The following KCNQ1OT1 variants were observed in gnomAD, a reference collection of about 807,000 sequenced individuals.
KCNQ1OT1 encodes the protein KCNQ1 opposite strand/antisense transcript 1.
rs1468652633 is a variant in KCNQ1OT1, at chr11:2,624,545, T to C, written n.75450A>G. 7.5e-6 allele frequency: 3 copies of C among 398,430 alleles called. No individual in the cohort carries two copies. The highest frequency in any genetic ancestry group is 7.1e-5 in the East Asian group (2 of 28,060). The allele number at this position is 398,430 out of a possible 1,614,324, so 24.7% of individuals were successfully genotyped here. A position where few individuals can be genotyped will look rare whatever the true frequency, so the allele number is the denominator to read the frequency against. On this transcript the variant is annotated non_coding_transcript_exon_variant, in exon 1 of 1. Coordinates refer to ENST00000597346, the Ensembl canonical transcript of KCNQ1OT1. This position sits in a 1 kb window ranked among gnomAD's most constrained non-coding sequence, Gnocchi z 4.9. ...TGTTATCTTCTGGGATTTCTATTTGTTGTTGATTTCCAAATCTTTTATTGT... is the reference window on the plus strand; with the variant it reads ...TGTTATCTTCTGGGATTTCTATTTGCTGTTGATTTCCAAATCTTTTATTGT...
In KCNQ1OT1 at chr11:2,695,082, A is replaced by G; in HGVS notation, n.4913T>C. The G allele has an allele frequency of 2.5e-6, 1 of 398,636 alleles. No individual in the cohort carries two copies. Among genetic ancestry groups the G allele is most frequent in the Non-Finnish European group, 4.4e-6 (1 of 226,088 alleles). 24.7% of individuals were successfully genotyped at this position (398,636 alleles called of 1,614,324 possible). A position where few individuals can be genotyped will look rare whatever the true frequency, so the allele number is the denominator to read the frequency against. On this transcript the variant is annotated non_coding_transcript_exon_variant, in exon 1 of 1. Coordinates refer to ENST00000597346, the Ensembl canonical transcript of KCNQ1OT1. The surrounding 1 kb of genome is among the most constrained non-coding windows in gnomAD (Gnocchi z 5.2). ...TGGAATTTGAATTTTATTTCCTAGA[A>G]ATAGAAGCCACTAGAGGGTATCTGG... is the stretch of plus-strand genomic sequence containing the variant.
rs1017685262 is a variant in KCNQ1OT1, at chr11:2,657,089, C to A, written n.42906G>T. 1 of 398,618 alleles carries A rather than the reference C, an allele frequency of 2.5e-6. No homozygotes were observed. The highest frequency in any genetic ancestry group is 2.1e-5 in the African/African-American group (1 of 48,742). The allele number at this position is 398,618 out of a possible 1,614,324, so 24.7% of individuals were successfully genotyped here. The stretch of plus-strand genomic sequence containing the variant: ...CTGTCCCATTGGCCTATTTGTCTCT[C>A]CCTGTGTCAATACCACATTGCCCTA... On this transcript the variant is annotated non_coding_transcript_exon_variant, in exon 1 of 1. Transcript: ENST00000597346. This position sits in a 1 kb window ranked among gnomAD's most constrained non-coding sequence, Gnocchi z 4.8.
At position 2,690,996 on chromosome 11, in the gene KCNQ1OT1, A is replaced by T; in HGVS notation, n.8999T>A. 1 of 398,656 alleles carries T rather than the reference A, an allele frequency of 2.5e-6. No homozygotes were observed. Among genetic ancestry groups the T allele is most frequent in the Non-Finnish European group, 4.4e-6 (1 of 226,084 alleles). 24.7% of individuals were successfully genotyped at this position (398,656 alleles called of 1,614,324 possible). A position where few individuals can be genotyped will look rare whatever the true frequency, so the allele number is the denominator to read the frequency against. On this transcript the variant is annotated non_coding_transcript_exon_variant, in exon 1 of 1. Coordinates refer to ENST00000597346, the Ensembl canonical transcript of KCNQ1OT1. This position sits in a 1 kb window ranked among gnomAD's most constrained non-coding sequence, Gnocchi z 5.1. ...CAAAAGCCCACCAGACCATCAATGA[A>T]GTGGGCAAAAGCTCTGGGTGAACTC...
chr11:2,698,858 G>C lies in KCNQ1OT1; in HGVS notation n.1137C>G. 1 of 398,624 alleles carries C rather than the reference G, an allele frequency of 2.5e-6. No homozygotes were observed. Among genetic ancestry groups the C allele is most frequent in the Non-Finnish European group, 4.4e-6 (1 of 226,172 alleles). The allele number at this position is 398,624 out of a possible 1,614,324, so 24.7% of individuals were successfully genotyped here. ...AAACCACCATGCGGACTCCAGACCC[G>C]GACTGACTGGGACCCCAACTACTCA... On this transcript the variant is annotated non_coding_transcript_exon_variant, in exon 1 of 1. Transcript: ENST00000597346. This position sits in a 1 kb window ranked among gnomAD's most constrained non-coding sequence, Gnocchi z 5.1.
At chr11:2,632,407 A>AT (rs886152794) in exon 1 of KCNQ1OT1, 5 of 398,342 alleles carry the variant, frequency 1.3e-5, no homozygotes, top group Non-Finnish European at 1.8e-5. Context: ...TATGTTTAAT[A>AT]TAATGGCTAA....
At chr11:2,629,054 G>A in exon 1 of KCNQ1OT1, 1 of 398,098 alleles carries the variant, frequency 2.5e-6, no homozygotes, top group Non-Finnish European at 4.4e-6. Context: ...TATTGCTCAA[G>A]TATGCTTTAG....
At chr11:2,692,471 T>C (rs11821797) in exon 1 of KCNQ1OT1, 4,696 of 398,722 alleles carry the variant, frequency 0.012, 195 homozygotes, top group African/African-American at 0.087. Flanking sequence ...TGCAGCTGCC[T>C]TTCTGGTAGT....
chr11:2,687,197 G>T lies in KCNQ1OT1; in HGVS notation n.12798C>A. 2.5e-6 allele frequency: 1 copy of T among 398,646 alleles called. No individual in the cohort carries two copies. Among genetic ancestry groups the T allele is most frequent in the South Asian group, 1.3e-4 (1 of 7,850 alleles). 24.7% of individuals were successfully genotyped at this position (398,646 alleles called of 1,614,324 possible). A position where few individuals can be genotyped will look rare whatever the true frequency, so the allele number is the denominator to read the frequency against. ...CTGCCAAAAGCCCAGGCTGGATAGGGAGCATCACACTGTTGGGAAATGTGC... is the reference window on the plus strand; with the variant it reads ...CTGCCAAAAGCCCAGGCTGGATAGGTAGCATCACACTGTTGGGAAATGTGC... On this transcript the variant is annotated non_coding_transcript_exon_variant, in exon 1 of 1. Coordinates refer to ENST00000597346, the Ensembl canonical transcript of KCNQ1OT1. This position sits in a 1 kb window ranked among gnomAD's most constrained non-coding sequence, Gnocchi z 5.0.
chr11:2,632,705 T>C (rs930807299), exon 1 of KCNQ1OT1: 4 of 398,278 alleles, frequency 1.0e-5, no homozygotes, highest in Non-Finnish European at 1.8e-5. Flanking sequence ...CCTAATTTCA[T>C]TTAACATATT....
At position 2,658,129 on chromosome 11, in the gene KCNQ1OT1, T is replaced by C. The variant is rs1164485874; in HGVS notation, n.41866A>G. The C allele has an allele frequency of 2.5e-6, 1 of 398,574 alleles. No individual in the cohort carries two copies. Among genetic ancestry groups the C allele is most frequent in the African/African-American group, 2.1e-5 (1 of 48,748 alleles). The allele number at this position is 398,574 out of a possible 1,614,324, so 24.7% of individuals were successfully genotyped here. ...GAGTATCAAAAAAAATCTGCAAATA[T>C]GTTAAAACTACCACAGCAATTAAAA... On this transcript the variant is annotated non_coding_transcript_exon_variant, in exon 1 of 1. Transcript: ENST00000597346. This position sits in a 1 kb window ranked among gnomAD's most constrained non-coding sequence, Gnocchi z 4.9.
rs1590025738 is a variant in KCNQ1OT1 at position 2,677,106 on chromosome 11, T to C, written n.22889A>G. The C allele has an allele frequency of 2.5e-6, 1 of 398,666 alleles. No individual in the cohort carries two copies. The highest frequency in any genetic ancestry group is 3.6e-5 in the East Asian group (1 of 28,078). The allele number at this position is 398,666 out of a possible 1,614,324, so 24.7% of individuals were successfully genotyped here. ...TATTCACTACTGAAATGACCACTTA[T>C]GAAATTAGTTTCCCTGAAACATCCC... is the stretch of plus-strand genomic sequence containing the variant. On this transcript the variant is annotated non_coding_transcript_exon_variant, in exon 1 of 1. Coordinates refer to ENST00000597346, the Ensembl canonical transcript of KCNQ1OT1. This position sits in a 1 kb window ranked among gnomAD's most constrained non-coding sequence, Gnocchi z 4.5.
chr11:2,661,821 A>T lies in KCNQ1OT1; in HGVS notation n.38174T>A. 9.2e-7 allele frequency: 1 copy of T among 1,082,712 alleles called. No individual in the cohort carries two copies. The highest frequency in any genetic ancestry group is 1.4e-6 in the Non-Finnish European group (1 of 719,992). The allele number at this position is 1,082,712 out of a possible 1,614,324, so 67.1% of individuals were successfully genotyped here. A position where few individuals can be genotyped will look rare whatever the true frequency, so the allele number is the denominator to read the frequency against. On this transcript the variant is annotated non_coding_transcript_exon_variant, in exon 1 of 1. Transcript: ENST00000597346. The surrounding 1 kb of genome is among the most constrained non-coding windows in gnomAD (Gnocchi z 5.9). ...CACCCACCCACCCCAACACCCAACT[A>T]TAAAACTGATTGTCAGGGCTGGAGC...
exon 1 of KCNQ1OT1, chr11:2,637,355 G>A (rs553750030): frequency 1.3e-5 from 2 of 152,306 alleles, no homozygotes; most frequent in African/African-American, 2.4e-5. Flanking sequence ...TGCTTTAAAT[G>A]TGTCCCAGAG....
rs1849282567 is a variant in KCNQ1OT1, at chr11:2,627,645, GA to G, written n.72349del. On this transcript the variant is annotated non_coding_transcript_exon_variant, in exon 1 of 1. Transcript: ENST00000597346. This position sits in a 1 kb window ranked among gnomAD's most constrained non-coding sequence, Gnocchi z 4.9. ...TTGCATGATTTCCTGCTTTTTAAAG[GA>G]TGAATATTTCATTGTGTGTGTGTAT... The G allele has an allele frequency of 2.5e-6, 1 of 398,312 alleles. No homozygotes were observed. Among genetic ancestry groups the G allele is most frequent in the East Asian group, 3.6e-5 (1 of 28,082 alleles). The allele number at this position is 398,312 out of a possible 1,614,324, so 24.7% of individuals were successfully genotyped here.
exon 1 of KCNQ1OT1, chr11:2,656,700 T>C (rs572101391): frequency 6.8e-5 from 27 of 398,654 alleles, no homozygotes; most frequent in African/African-American, 1.0e-4. Context: ...TTAAGGTGTA[T>C]TTTGATGATT....
At chr11:2,637,946 C>G (rs1455888594) in exon 1 of KCNQ1OT1, 1 of 151,974 alleles carries the variant, frequency 6.6e-6, no homozygotes, top group Non-Finnish European at 1.5e-5. Context: ...ATGACCTTGT[C>G]TCTTTTGATC....
chr11:2,662,697 G>A lies in KCNQ1OT1; in HGVS notation n.37298C>T, dbSNP rs916819411. ...GCTGGGGTGCCCAGCGGTGACAGCC[G>A]TGCAGCGGGGTCAGTGGGGCACCCA... On this transcript the variant is annotated non_coding_transcript_exon_variant, in exon 1 of 1. Coordinates refer to ENST00000597346, the Ensembl canonical transcript of KCNQ1OT1. 39 of 402,584 alleles carry A rather than the reference G, an allele frequency of 9.7e-5. 1 individual carries two copies. The highest frequency in any genetic ancestry group is 1.5e-4 in the Non-Finnish European group (34 of 228,384). The allele number at this position is 402,584 out of a possible 1,614,324, so 24.9% of individuals were successfully genotyped here.
At position 2,608,649 on chromosome 11, in the gene KCNQ1OT1, A is replaced by G; in HGVS notation, n.91346T>C. 1 of 398,510 alleles carries G rather than the reference A, an allele frequency of 2.5e-6. No homozygotes were observed. Among genetic ancestry groups the G allele is most frequent in the Non-Finnish European group, 4.4e-6 (1 of 226,062 alleles). 24.7% of individuals were successfully genotyped at this position (398,510 alleles called of 1,614,324 possible). On this transcript the variant is annotated non_coding_transcript_exon_variant, in exon 1 of 1. Coordinates refer to ENST00000597346, the Ensembl canonical transcript of KCNQ1OT1. This position sits in a 1 kb window ranked among gnomAD's most constrained non-coding sequence, Gnocchi z 4.6. ...CTGTTATTCAAAAAATATTTTGTAG[A>G]GATAGGGTCTTGCTTTGTTGTGCAT... is the stretch of plus-strand genomic sequence containing the variant.
At chr11:2,665,787 G>T in exon 1 of KCNQ1OT1, 1 of 398,558 alleles carries the variant, frequency 2.5e-6, no homozygotes, top group Non-Finnish European at 4.4e-6. Context: ...ACTCAACCCT[G>T]CCTAAGATGA....
Sources: allele counts gnomAD v4.1 joint callset, GRCh38; gene constraint gnomAD v4.1.1; non-coding constraint Gnocchi (gnomAD v3.1); transcripts MANE v1.5; gene names NCBI Gene and HGNC (gene_info 2026-07-23, HGNC 2026-07-21).